The following GPC6 variants were observed in gnomAD, a reference collection of about 807,000 sequenced individuals.
GPC6 encodes the protein glypican-6.
A neutral mutation model predicts 55.2 loss-of-function variants in GPC6; 14 were observed. The observed-to-expected ratio is 0.25, with a 90% CI of 0.17 to 0.40. The LOEUF is 0.40. GPC6 is among the 10% of genes least tolerant of loss of function. GPC6 has a pLI of 1.00. For synonymous variants in GPC6, 278 were observed against 259.6 expected, an observed-to-expected ratio of 1.07 and a Z score of -0.68; for missense variants, 641 against 708.5, an observed-to-expected ratio of 0.90 and a Z score of 1.08.
chr13:93,444,063 C>G, intron 1 of GPC6, among the ~76,000 whole-genome samples: 1 of 152,054 alleles, frequency 6.6e-6, no homozygotes, highest in East Asian at 1.9e-4. Context: ...AAGATTCCAG[C>G]AGATAATTAT....
At chr13:93,722,627 A>G (rs1236949034) in intron 2 of GPC6, among the ~76,000 whole-genome samples, 1 of 151,866 alleles carries the variant, frequency 6.6e-6, no homozygotes, top group East Asian at 1.9e-4. Context: ...TGACTTACAT[A>G]TTGTATTCAA....
intron 1 of GPC6, among the ~76,000 whole-genome samples, chr13:93,475,834 G>A (rs1879282485): frequency 6.6e-6 from 1 of 152,062 alleles, no homozygotes; most frequent in African/African-American, 2.4e-5. Context: ...AATAGAGGGT[G>A]CTTTTTAAAA....
intron 1 of GPC6, among the ~76,000 whole-genome samples, chr13:93,474,008 T>C (rs1414778963): frequency 1.3e-5 from 2 of 152,124 alleles, no homozygotes; most frequent in African/African-American, 4.8e-5. Flanking sequence ...CACTCACATC[T>C]CCCCACTGCA....
At chr13:93,848,665 C>T (rs1249665176) in intron 3 of GPC6, among the ~76,000 whole-genome samples, 1 of 152,110 alleles carries the variant, frequency 6.6e-6, no homozygotes, top group African/African-American at 2.4e-5. Flanking sequence ...TTCCTACCCT[C>T]AAGAGGTTGA....
chr13:93,476,456 T>G (rs1164536629), intron 1 of GPC6, among the ~76,000 whole-genome samples: 4 of 152,192 alleles, frequency 2.6e-5, no homozygotes, highest in Non-Finnish European at 1.5e-5. Flanking sequence ...GTTGCCCAAC[T>G]TGTTTCAAAT....
intron 3 of GPC6, among the ~76,000 whole-genome samples, chr13:93,985,655 G>A (rs1404899271): frequency 8.5e-6 from 1 of 117,390 alleles, no homozygotes; most frequent in Non-Finnish European, 1.6e-5. Flanking sequence ...TTGTGCCACT[G>A]CACTCCATCC....
intron 1 of GPC6, among the ~76,000 whole-genome samples, chr13:93,412,386 T>C (rs561456255): frequency 2.3e-4 from 35 of 152,116 alleles, no homozygotes; most frequent in Non-Finnish European, 4.7e-4. Context: ...CCGGGCACAG[T>C]GAATCATGCC....
At chr13:93,670,030 A>T (rs1038447945) in intron 2 of GPC6, among the ~76,000 whole-genome samples, 5 of 152,178 alleles carry the variant, frequency 3.3e-5, no homozygotes. Flanking sequence ...ACTCTCTTAG[A>T]GTTCTCACAA....
At chr13:93,702,399 CACAG>C (rs768105647) in intron 2 of GPC6, among the ~76,000 whole-genome samples, 10 of 152,002 alleles carry the variant, frequency 6.6e-5, no homozygotes, top group Middle Eastern at 6.8e-3. Context: ...GTTTCTAGAA[CACAG>C]ACAGTGTAAA....
At chr13:93,995,314 A>G (rs1320516071) in intron 3 of GPC6, among the ~76,000 whole-genome samples, 3 of 151,906 alleles carry the variant, frequency 2.0e-5, no homozygotes, top group African/African-American at 7.3e-5. Context: ...CAGCCTCCCA[A>G]GTAGCTGGGA....
chr13:93,237,825 A>G (rs1876290399), intron 1 of GPC6, among the ~76,000 whole-genome samples: 1 of 152,008 alleles, frequency 6.6e-6, no homozygotes, highest in Non-Finnish European at 1.5e-5. Flanking sequence ...AATAGGGTGT[A>G]CTTTCCCCAG....
intron 2 of GPC6, among the ~76,000 whole-genome samples, chr13:93,726,522 A>G (rs1432237117): frequency 6.6e-6 from 1 of 152,066 alleles, no homozygotes; most frequent in Non-Finnish European, 1.5e-5. Context: ...CCCTCGGGGT[A>G]TGTCAGAGAA....
intron 1 of GPC6, among the ~76,000 whole-genome samples, chr13:93,382,753 T>C (rs1235500869): frequency 6.6e-6 from 1 of 152,240 alleles, no homozygotes; most frequent in Non-Finnish European, 1.5e-5. Context: ...ATTACATTTT[T>C]ATGTCTAGCA....
intron 2 of GPC6, among the ~76,000 whole-genome samples, chr13:93,784,694 G>A (rs1051205099): frequency 6.6e-6 from 1 of 152,178 alleles, no homozygotes; most frequent in African/African-American, 2.4e-5. Flanking sequence ...ATGTATGCTT[G>A]AAGAGAAATT....
intron 2 of GPC6, among the ~76,000 whole-genome samples, chr13:93,732,487 G>A (rs1301441040): frequency 6.6e-6 from 1 of 152,270 alleles, no homozygotes; most frequent in East Asian, 1.9e-4. Flanking sequence ...TAAAAAGATT[G>A]CTGTGTGTTA....
intron 1 of GPC6, among the ~76,000 whole-genome samples, chr13:93,435,439 C>T (rs1236058593): frequency 2.0e-5 from 3 of 151,684 alleles, no homozygotes; most frequent in African/African-American, 7.3e-5. Context: ...TATACATGTT[C>T]TTCATATGTC....
At chr13:94,238,175 TA>T (rs1296088029) in intron 4 of GPC6, among the ~76,000 whole-genome samples, 1 of 152,180 alleles carries the variant, frequency 6.6e-6, no homozygotes, top group Non-Finnish European at 1.5e-5. Context: ...AGACGGCTTT[TA>T]GATGTCCTTC....
chr13:93,438,965 C>A (rs1208838382), intron 1 of GPC6, among the ~76,000 whole-genome samples: 1 of 152,102 alleles, frequency 6.6e-6, no homozygotes, highest in Admixed American at 6.6e-5. Context: ...CAGCAGTCAT[C>A]AATATTGAAG....
intron 4 of GPC6, among the ~76,000 whole-genome samples, chr13:94,241,472 A>T (rs1292355549): frequency 4.6e-5 from 7 of 152,106 alleles, no homozygotes; most frequent in Non-Finnish European, 8.8e-5. Flanking sequence ...ATATTTTCAC[A>T]TTTGTAGTGT....
Sources: gnomAD v4.1 joint callset for allele counts (sites outside exome capture counted in the v4.1 genomes callset) on GRCh38, gnomAD v4.1.1 for gene constraint, MANE v1.5 for transcripts, NCBI Gene and HGNC (gene_info 2026-07-23, HGNC 2026-07-21) for gene names.